The following DUSP5 variants were observed in gnomAD, a reference collection of about 807,000 sequenced individuals.
The protein encoded by DUSP5 is dual specificity protein phosphatase 5.
A neutral mutation model predicts 33.6 loss-of-function variants in DUSP5; 22 were observed. The ratio of observed to expected loss-of-function variants is 0.66; its 90% CI spans 0.47 to 0.94. The LOEUF is 0.94. Ranked by LOEUF, DUSP5 falls within the 40% of genes least tolerant of loss-of-function variation. DUSP5 has a pLI of 0.00. For missense variants in DUSP5, 551 were observed against 522.1 expected, an observed-to-expected ratio of 1.06 and a Z score of -0.54; for synonymous variants, 270 against 231.1, an observed-to-expected ratio of 1.17 and a Z score of -1.53.
Position 110,510,490 on chromosome 10 carries a change from G to A in DUSP5, c.*64G>A. ...TGTGATTTTTGTTTTTAAGACTCAT[G>A]GACATTTCATACCTGTGCAATACTG... On this transcript the variant is annotated 3_prime_UTR_variant, in exon 4 of 4. Transcript: ENST00000369583. 6 of 1,470,704 alleles carry A rather than the reference G, an allele frequency of 4.1e-6. No individual in the cohort carries two copies. Among genetic ancestry groups the A allele is most frequent in the East Asian group, 2.5e-5 (1 of 40,336 alleles). 91.1% of individuals were successfully genotyped at this position (1,470,704 alleles called of 1,614,324 possible). A position where few individuals can be genotyped will look rare whatever the true frequency, so the allele number is the denominator to read the frequency against.
intron 1 of DUSP5, among the ~76,000 whole-genome samples, chr10:110,499,628 C>T (rs967097218): frequency 2.6e-5 from 4 of 152,172 alleles, no homozygotes; most frequent in Admixed American, 6.5e-5. Context: ...AGACAGTTCC[C>T]CTCTCTGCTA....
At chr10:110,503,631 TC>T (rs1860084028) in intron 2 of DUSP5, 1 of 152,228 alleles carries the variant, frequency 6.6e-6, no homozygotes, top group African/African-American at 2.4e-5. Flanking sequence ...AAGCCAGAGA[TC>T]AAAACCTAAC....
rs1202794684 is a variant in DUSP5, at chr10:110,506,945, T to G, written c.539T>G (p.Val180Gly). The G allele has an allele frequency of 2.5e-6, 4 of 1,614,256 alleles. No individual in the cohort carries two copies. In the East Asian group the frequency reaches 8.9e-5, roughly 36 times the overall value. Residue 180 changes from valine to glycine, a missense_variant, in exon 3 of 4, where the codon GTT (valine) becomes GGT (glycine). Val to Gly is a moderately radical substitution (Grantham distance 109). Coordinates refer to ENST00000369583, the MANE Select transcript of DUSP5 (RefSeq NM_004419.4). The stretch of plus-strand genomic sequence containing the variant: ...TGTCCCTGCATCCAGGGTGGCCCAG[T>G]TGAAATCCTTCCCTTCCTCTACCTT... ...YRPAYDQGGP[V>G]EILPFLYLGS...
Position 110,506,809 on chromosome 10 carries a change from C to T in DUSP5, c.529-126C>T, listed in dbSNP as rs1860124226. The T allele has an allele frequency of 5.8e-6, 6 of 1,038,240 alleles. No homozygotes were observed. In the South Asian group the frequency reaches 8.8e-5, roughly 15 times the overall value. 64.3% of individuals were successfully genotyped at this position (1,038,240 alleles called of 1,614,324 possible). On this transcript the variant is annotated intron_variant, in intron 2 of 3. Coordinates refer to ENST00000369583, the MANE Select transcript of DUSP5 (RefSeq NM_004419.4). ...TTGGTTGAACTGCCCTGGCTCTGAA[C>T]TCCACTTGGAAACCAGAAAGGGAAC...
At chr10:110,508,140 C>T (rs367601027) in intron 3 of DUSP5, among the ~76,000 whole-genome samples, 1 of 152,140 alleles carries the variant, frequency 6.6e-6, no homozygotes, top group African/African-American at 2.4e-5. Context: ...CTCTGTTCAC[C>T]ACACAATTTC....
chr10:110,510,622 C>T lies in DUSP5; in HGVS notation c.*196C>T. 1 of 728,688 alleles carries T rather than the reference C, an allele frequency of 1.4e-6. No homozygotes were observed. Among genetic ancestry groups the T allele is most frequent in the Middle Eastern group, 3.9e-4 (1 of 2,578 alleles). The allele number at this position is 728,688 out of a possible 1,614,324, so 45.1% of individuals were successfully genotyped here. ...GTAGGTTCTCGGGACTGAAGGAAGG[C>T]CAAGCCATTACGGGAGCACAGCATG... is the stretch of plus-strand genomic sequence containing the variant. On this transcript the variant is annotated 3_prime_UTR_variant, in exon 4 of 4. Transcript: ENST00000369583.
Position 110,507,179 on chromosome 10 carries a change from T to G in DUSP5, c.748+25T>G, listed in dbSNP as rs771953704. The G allele has an allele frequency of 6.9e-6, 11 of 1,603,376 alleles. No homozygotes were observed. In the African/African-American group the frequency reaches 1.2e-4, roughly 18 times the overall value. On this transcript the variant is annotated intron_variant, in intron 3 of 3. Coordinates refer to ENST00000369583, the MANE Select transcript of DUSP5 (RefSeq NM_004419.4). ...GGTAGGTTTAGCCATTCCCCTTCAG[T>G]TATTTTGGGAGCCCCTTTGGGGCAT...
At position 110,498,234 on chromosome 10, in the gene DUSP5, A is replaced by G. The variant is rs1160733626; in HGVS notation, c.113A>G (p.Asn38Ser). Residue 38 changes from asparagine to serine, a missense_variant, in exon 1 of 4, where the codon AAC becomes AGC. This residue lies in a region of DUSP5 where 381 missense variants were observed against 310.4 expected (regional missense o/e 1.23). Transcript: ENST00000369583. ...CCCTATCTGGCCTTCGCTGCCTCGA[A>G]CGTGCGCGGCTCGCTCAACGTCAAC... The part of the protein sequence containing the change: ...CRPYLAFAAS[N>S]VRGSLNVNLN... 1 of 1,508,108 alleles carries G rather than the reference A, an allele frequency of 6.6e-7. No homozygotes were observed. Among genetic ancestry groups the G allele is most frequent in the Non-Finnish European group, 8.9e-7 (1 of 1,127,586 alleles). The allele number at this position is 1,508,108 out of a possible 1,614,324, so 93.4% of individuals were successfully genotyped here. A position where few individuals can be genotyped will look rare whatever the true frequency, so the allele number is the denominator to read the frequency against.
intron 1 of DUSP5, among the ~76,000 whole-genome samples, chr10:110,498,945 C>T (rs1860001440): frequency 6.6e-6 from 1 of 152,176 alleles, no homozygotes; most frequent in African/African-American, 2.4e-5. Flanking sequence ...CCCTTCCTCC[C>T]GCCTAGCCAG....
intron 3 of DUSP5, among the ~76,000 whole-genome samples, chr10:110,508,614 G>T (rs1168019443): frequency 6.6e-6 from 1 of 152,116 alleles, no homozygotes; most frequent in Non-Finnish European, 1.5e-5. Flanking sequence ...CCGAGGTGTC[G>T]AGTGGGCTCC....
At position 110,510,644 on chromosome 10, in the gene DUSP5, CA is replaced by C; in HGVS notation, c.*219del. ...AGGCCAAGCCATTACGGGAGCACAG[CA>C]TGTGCTGACTACTGTACTTCCAGAC... On this transcript the variant is annotated 3_prime_UTR_variant, in exon 4 of 4. Transcript: ENST00000369583. The C allele has an allele frequency of 5.0e-6, 3 of 598,198 alleles. No homozygotes were observed. The highest frequency in any genetic ancestry group is 8.5e-6 in the Non-Finnish European group (3 of 354,006). 37.1% of individuals were successfully genotyped at this position (598,198 alleles called of 1,614,324 possible).
Position 110,510,668 on chromosome 10 carries a change from G to T in DUSP5, c.*242G>T, listed in dbSNP as rs1364878332. 5 of 503,492 alleles carry T rather than the reference G, an allele frequency of 9.9e-6. No individual in the cohort carries two copies. Among genetic ancestry groups the T allele is most frequent in the Non-Finnish European group, 1.0e-5 (3 of 291,698 alleles). The allele number at this position is 503,492 out of a possible 1,614,324, so 31.2% of individuals were successfully genotyped here. On this transcript the variant is annotated 3_prime_UTR_variant, in exon 4 of 4. Coordinates refer to ENST00000369583, the MANE Select transcript of DUSP5 (RefSeq NM_004419.4). ...GCATGTGCTGACTACTGTACTTCCA[G>T]ACCCCTGCCCTCTTGGGACTGCCCA...
chr10:110,507,683 G>C (rs1860135625), intron 3 of DUSP5, among the ~76,000 whole-genome samples: 1 of 152,228 alleles, frequency 6.6e-6, no homozygotes, highest in Non-Finnish European at 1.5e-5. Flanking sequence ...GCTCCATGCT[G>C]TATGCACAGA....
At chr10:110,499,394 T>G (rs1860010483) in intron 1 of DUSP5, among the ~76,000 whole-genome samples, 1 of 152,120 alleles carries the variant, frequency 6.6e-6, no homozygotes, top group African/African-American at 2.4e-5. Context: ...TGTGTTTGAG[T>G]CCTTTGTAAC....
intron 1 of DUSP5, among the ~76,000 whole-genome samples, chr10:110,501,793 A>C (rs1384366421): frequency 1.3e-5 from 2 of 152,160 alleles, no homozygotes; most frequent in Non-Finnish European, 2.9e-5. Flanking sequence ...TTCCAAGGCC[A>C]CCTTTTCATT....
In DUSP5 at chr10:110,507,012, C is replaced by G; in HGVS notation, c.606C>G (p.Asn202Lys). Residue 202 changes from asparagine (N) to lysine (K), a missense_variant, in exon 3 of 4, where the codon AAC (asparagine) becomes AAG (lysine). By Grantham distance (94) the Asn-to-Lys change is moderately conservative. Around this residue, in one of 3 missense-constraint regions of DUSP5, gnomAD observed 381 missense variants for 310.4 expected, o/e 1.23. Transcript: ENST00000369583. ...CATCCAAGTGCGAGTTCCTCGCCAACCTGCACATCACAGCCCTGCTGAATG... is the reference window on the plus strand; with the variant it reads ...CATCCAAGTGCGAGTTCCTCGCCAAGCTGCACATCACAGCCCTGCTGAATG... The part of the protein sequence containing the change: ...YHASKCEFLA[N>K]LHITALLNVS... 6.2e-7 allele frequency: 1 copy of G among 1,614,302 alleles called. No homozygotes were observed.
In DUSP5 at chr10:110,510,555, G is replaced by A; in HGVS notation, c.*129G>A. On this transcript the variant is annotated 3_prime_UTR_variant, in exon 4 of 4. Transcript: ENST00000369583. ...TCATGCTGCCCCAGTGAGATAGTGA[G>A]TGGTCACCAGGCTTGCAAATGAACT... is the stretch of plus-strand genomic sequence containing the variant. 1 of 1,276,458 alleles carries A rather than the reference G, an allele frequency of 7.8e-7. No homozygotes were observed. Among genetic ancestry groups the A allele is most frequent in the East Asian group, 2.6e-5 (1 of 38,896 alleles). 79.1% of individuals were successfully genotyped at this position (1,276,458 alleles called of 1,614,324 possible). A position where few individuals can be genotyped will look rare whatever the true frequency, so the allele number is the denominator to read the frequency against.
chr10:110,499,050 C>G (rs905197304), intron 1 of DUSP5, among the ~76,000 whole-genome samples: 8 of 152,148 alleles, frequency 5.3e-5, no homozygotes, highest in African/African-American at 1.9e-4. Context: ...CCTCCGGCCT[C>G]TTCTCCCCTC....
At chr10:110,501,425 G>GCT (rs1230970622) in intron 1 of DUSP5, among the ~76,000 whole-genome samples, 4 of 152,178 alleles carry the variant, frequency 2.6e-5, no homozygotes, top group Middle Eastern at 3.2e-3. Context: ...GTTCCAGTGA[G>GCT]CTGAGAGGAA....
Sources: allele counts gnomAD v4.1 joint callset (sites outside exome capture counted in the v4.1 genomes callset), GRCh38; gene constraint gnomAD v4.1.1; regional missense constraint gnomAD v4.1.1; transcripts MANE v1.5; gene names NCBI Gene and HGNC (gene_info 2026-07-23, HGNC 2026-07-21).